Variants in ABR observed in about 807,000 individuals in gnomAD.
The protein encoded by ABR is ABR activator of RhoGEF and GTPase.
A neutral mutation model predicts 107.2 loss-of-function variants in ABR; 35 were observed. The ratio of observed to expected loss-of-function variants is 0.33; its 90% CI spans 0.25 to 0.43. The LOEUF (loss-of-function observed/expected upper bound fraction) is 0.43. ABR is among the 20% of genes least tolerant of loss of function. The pLI, the probability that ABR is intolerant of heterozygous loss-of-function variation, is 1.00. For synonymous variants in ABR, 498 were observed against 462.0 expected (o/e 1.08, Z -1.00); for missense variants, 815 against 1,115.2 (o/e 0.73, Z 3.83).
chr17:1,179,486 C>T lies in ABR; in HGVS notation c.61+181G>A, dbSNP rs1297643813. ...GGCTCCTGGGTCCCGACCCCGATCC[C>T]GATTCCCAACCCGACCCCGATCCGG... On this transcript the variant is annotated intron_variant, in intron 1 of 22. Transcript: ENST00000302538. The surrounding 1 kb of genome is among the most constrained non-coding windows in gnomAD (Gnocchi z 4.9). Among the ~76,000 whole-genome samples the T allele has an allele frequency of 6.6e-6, 1 of 150,830 alleles. No homozygotes were observed. The highest frequency in any genetic ancestry group is 1.5e-5 in the Non-Finnish European group (1 of 67,600).
At chr17:1,006,451 C>G (rs2150690633) in intron 22 of ABR, among the ~76,000 whole-genome samples, 1 of 152,292 alleles carries the variant, frequency 6.6e-6, no homozygotes, top group African/African-American at 2.4e-5. Flanking sequence ...CCCAGGGAAG[C>G]CTCCCGCCCT....
At chr17:1,095,920 T>C (rs1332271515) in intron 3 of ABR, among the ~76,000 whole-genome samples, 1 of 152,144 alleles carries the variant, frequency 6.6e-6, no homozygotes, top group African/African-American at 2.4e-5. Flanking sequence ...GTTTTATAGA[T>C]AAAGAGCCTG....
At chr17:1,178,514 A>T (rs1308782700) in intron 1 of ABR, among the ~76,000 whole-genome samples, 3 of 150,972 alleles carry the variant, frequency 2.0e-5, no homozygotes, top group Non-Finnish European at 4.4e-5. Flanking sequence ...CAATGAGCGG[A>T]GATTGCGCCA....
At chr17:1,101,067 A>T (rs1250487924) in intron 2 of ABR, 1 of 295,614 alleles carries the variant, frequency 3.4e-6, no homozygotes, top group African/African-American at 2.2e-5. Context: ...CAGGTGATCC[A>T]CCCACCTCAG....
Position 1,072,627 on chromosome 17 carries a change from G to A in ABR, c.881C>T (p.Thr294Met). 1.2e-6 allele frequency: 2 copies of A among 1,608,812 alleles called. No individual in the cohort carries two copies. Among genetic ancestry groups the A allele is most frequent in the East Asian group, 2.2e-5 (1 of 44,658 alleles). The change falls in exon 8 of 23, where the codon ACG becomes ATG. Residue 294 changes from threonine (T) to methionine (M), a missense_variant. By Grantham distance (81) the Thr-to-Met change is moderately conservative. Around this residue, in one of 5 missense-constraint regions of ABR, gnomAD observed 385 missense variants for 596.9 expected, o/e 0.64. Transcript: ENST00000302538. ...DIDPRRTAVT[T>M]PKGETRQLVK... ...CTCTGAGCTCACCTCCCCCTTGGGC[G>A]TTGTCACTGCAGTCCGGCGGGGGTC...
chr17:1,214,989 G>T (rs1270627136), intron 1 of ABR, among the ~76,000 whole-genome samples: 1 of 152,070 alleles, frequency 6.6e-6, no homozygotes, highest in Non-Finnish European at 1.5e-5. Context: ...GGAGGTGGAG[G>T]CAGGCAGATT....
At chr17:1,227,885 G>T (rs34317816) in intron 1 of ABR, among the ~76,000 whole-genome samples, 24,294 of 152,110 alleles carry the variant, frequency 0.16, 2,217 homozygotes, top group Non-Finnish European at 0.21. Flanking sequence ...CATTTATTCA[G>T]CCATTATGCG....
rs118080809 is a variant in ABR, at chr17:1,047,217, C to T, written c.1791+2833G>A. Among the ~76,000 whole-genome samples the T allele has an allele frequency of 3.1e-3, 479 of 152,374 alleles. 4 individuals carry two copies. The highest frequency in any genetic ancestry group is 0.013 in the South Asian group (62 of 4,832). The stretch of plus-strand genomic sequence containing the variant: ...CTGGGCCCTATCTCAAAGCCACCTC[C>T]GACTATGTCCTCAGCGCCTGCTGGC... On this transcript the variant is annotated intron_variant, in intron 16 of 22. Transcript: ENST00000302538.
At chr17:1,151,624 A>G (rs1343476371) in intron 1 of ABR, among the ~76,000 whole-genome samples, 1 of 152,236 alleles carries the variant, frequency 6.6e-6, no homozygotes, top group East Asian at 1.9e-4. Context: ...TTCACAGGAC[A>G]TCCTGAGAAT....
chr17:1,026,508 A>G (rs1053288679), intron 16 of ABR, among the ~76,000 whole-genome samples: 1 of 151,946 alleles, frequency 6.6e-6, no homozygotes, highest in Non-Finnish European at 1.5e-5. Context: ...TTGAAGCGGG[A>G]CTGGGGAAGT....
intron 1 of ABR, among the ~76,000 whole-genome samples, chr17:1,135,083 CAG>C (rs1419051211): frequency 4.6e-5 from 7 of 152,174 alleles, no homozygotes; most frequent in Non-Finnish European, 1.0e-4. Context: ...GGGACAGGAG[CAG>C]AGTTTCAGGC....
Position 1,011,369 on chromosome 17 carries a change from G to A in ABR, c.2101+477C>T, listed in dbSNP as rs2070528356. The A allele has an allele frequency of 1.2e-5, 2 of 171,762 alleles. No individual in the cohort carries two copies. The highest frequency in any genetic ancestry group is 2.5e-5 in the Non-Finnish European group (2 of 79,796). The allele number at this position is 171,762 out of a possible 1,614,324, so 10.6% of individuals were successfully genotyped here. Reference sequence around the variant, plus strand: ...TGGCCAGTGCAGGTTTCTTGACAGTGGGGTATGTGGCTGCTGCACCTGAAC... The same window carrying A: ...TGGCCAGTGCAGGTTTCTTGACAGTAGGGTATGTGGCTGCTGCACCTGAAC... On this transcript the variant is annotated intron_variant, in intron 19 of 22. Coordinates refer to ENST00000302538, the MANE Select transcript of ABR (RefSeq NM_021962.5). This position sits in a 1 kb window ranked among gnomAD's most constrained non-coding sequence, Gnocchi z 4.8.
At chr17:1,225,073 C>G (rs1489744650) in intron 1 of ABR, among the ~76,000 whole-genome samples, 3 of 150,654 alleles carry the variant, frequency 2.0e-5, no homozygotes, top group African/African-American at 7.3e-5. Context: ...GGTGTGAACC[C>G]AGGAGGCAGA....
At chr17:1,109,606 G>A (rs1017979857) in intron 2 of ABR, among the ~76,000 whole-genome samples, 2 of 152,080 alleles carry the variant, frequency 1.3e-5, no homozygotes, top group Admixed American at 1.3e-4. Context: ...GCGCGCGGCC[G>A]AGCCAGGAGC....
intron 1 of ABR, among the ~76,000 whole-genome samples, chr17:1,142,131 C>T (rs2040310180): frequency 6.6e-6 from 1 of 152,078 alleles, no homozygotes; most frequent in African/African-American, 2.4e-5. Flanking sequence ...AGTTGGGAAG[C>T]TCTCTGGCTC....
intron 16 of ABR, among the ~76,000 whole-genome samples, chr17:1,024,482 T>C (rs953211287): frequency 5.9e-5 from 9 of 152,056 alleles, no homozygotes. Flanking sequence ...TGAGCCTCAT[T>C]CCTCATATAT....
At chr17:1,012,118 A>C in intron 18 of ABR, 133 bp from the exon 19 acceptor site, 1 of 1,448,430 alleles carries the variant, frequency 6.9e-7, no homozygotes, top group Non-Finnish European at 9.5e-7. Flanking sequence ...GGGCAGGGGC[A>C]GGGCAGAGAA....
chr17:1,183,201 G>C (rs989162955), upstream of ABR, among the ~76,000 whole-genome samples: 7 of 152,138 alleles, frequency 4.6e-5, no homozygotes, highest in African/African-American at 1.7e-4. Context: ...GTGGGGACCA[G>C]CCAGTGCTCC....
upstream of ABR, among the ~76,000 whole-genome samples, chr17:1,189,595 T>G (rs1352321726): frequency 6.6e-6 from 1 of 152,108 alleles, no homozygotes; most frequent in Admixed American, 6.6e-5. Flanking sequence ...CTCTTCTACT[T>G]TTTCCTGCCT....
Sources: allele counts gnomAD v4.1 joint callset (sites outside exome capture counted in the v4.1 genomes callset), GRCh38; gene constraint gnomAD v4.1.1; regional missense constraint gnomAD v4.1.1; non-coding constraint Gnocchi (gnomAD v3.1); transcripts MANE v1.5; gene names NCBI Gene and HGNC (gene_info 2026-07-23, HGNC 2026-07-21).